CADM1: variants seen among roughly 807,000 people sequenced by gnomAD.
CADM1 encodes the protein TSLC-1.
In CADM1, 15 loss-of-function variants were observed where a neutral mutation model predicts 53.1. The observed-to-expected ratio is 0.28, with a 90% CI of 0.19 to 0.44. The LOEUF (loss-of-function observed/expected upper bound fraction) is 0.44, where lower values mean the gene tolerates loss of function less well. Among genes scored for constraint, CADM1 ranks in the 20% least tolerant of loss-of-function variants. The pLI, the probability that CADM1 is intolerant of heterozygous loss-of-function variation, is 1.00. For missense variants in CADM1, 434 were observed against 611.3 expected, an observed-to-expected ratio of 0.71 and a Z score of 3.06; for synonymous variants, 281 against 243.0, an observed-to-expected ratio of 1.16 and a Z score of -1.45.
At chr11:115,333,310 C>A (rs931100190) in intron 1 of CADM1, among the ~76,000 whole-genome samples, 5 of 152,174 alleles carry the variant, frequency 3.3e-5, no homozygotes, top group African/African-American at 1.2e-4. Flanking sequence ...GGATGAAGCA[C>A]AAAACCACTT....
At chr11:115,338,148 C>T (rs1226182917) in intron 1 of CADM1, among the ~76,000 whole-genome samples, 1 of 152,082 alleles carries the variant, frequency 6.6e-6, no homozygotes, top group African/African-American at 2.4e-5. Context: ...ATCATTACCA[C>T]CATCATAACA....
At chr11:115,315,345 T>C (rs1256731622) in intron 1 of CADM1, among the ~76,000 whole-genome samples, 1 of 152,210 alleles carries the variant, frequency 6.6e-6, no homozygotes, top group East Asian at 1.9e-4. Flanking sequence ...CGACACATTT[T>C]CATTGTGGAG....
chr11:115,242,288 G>C (rs949828955), intron 1 of CADM1, among the ~76,000 whole-genome samples: 4 of 146,758 alleles, frequency 2.7e-5, no homozygotes, highest in African/African-American at 7.5e-5. Context: ...TGGAGGCTTA[G>C]TATGCCGAAC....
intron 1 of CADM1, among the ~76,000 whole-genome samples, chr11:115,469,484 C>G (rs528904741): frequency 1.3e-5 from 2 of 152,162 alleles, no homozygotes; most frequent in Non-Finnish European, 1.5e-5. Context: ...GGTGGTCAGT[C>G]TCTTGTTCCA....
intron 1 of CADM1, among the ~76,000 whole-genome samples, chr11:115,469,925 G>A (rs563128835): frequency 1.3e-5 from 2 of 152,000 alleles, no homozygotes; most frequent in African/African-American, 2.4e-5. Context: ...CACCCGCCTC[G>A]GCCTCCCAAA....
intron 1 of CADM1, among the ~76,000 whole-genome samples, chr11:115,275,583 G>A (rs1943422577): frequency 6.6e-6 from 1 of 152,038 alleles, no homozygotes; most frequent in South Asian, 2.1e-4. Flanking sequence ...TATAATTGTT[G>A]GCTCTTTAAT....
At chr11:115,461,304 T>A (rs557823967) in intron 1 of CADM1, among the ~76,000 whole-genome samples, 13 of 152,234 alleles carry the variant, frequency 8.5e-5, no homozygotes, top group Non-Finnish European at 1.9e-4. Context: ...GTCATCTTCA[T>A]ATAGGAAGGT....
At position 115,175,063 on chromosome 11, in the gene CADM1, G is replaced by A. The variant is rs1323916079; in HGVS notation, c.*1411C>T. The A allele has an allele frequency of 1.0e-6, 1 of 985,720 alleles. No individual in the cohort carries two copies. The highest frequency in any genetic ancestry group is 6.1e-5 in the Admixed American group (1 of 16,262). 61.1% of individuals were successfully genotyped at this position (985,720 alleles called of 1,614,324 possible). ...TTTGGCAGATGGTTCTTAAGGCTGA[G>A]GAAAGAGGCCAAGGCTAGTGTATGA... On this transcript the variant is annotated 3_prime_UTR_variant, in exon 12 of 12. Coordinates refer to ENST00000331581, the MANE Select transcript of CADM1 (RefSeq NM_001301043.2).
Position 115,504,396 on chromosome 11 carries a change from T to A in CADM1, c.-2A>T, listed in dbSNP as rs1488480260. ...GCTCGGCAGCACTACACTCGCCATG[T>A]CGGGCACCTGCCTCAGACTGGCGGC... On this transcript the variant is annotated 5_prime_UTR_variant, in exon 1 of 12. Coordinates refer to ENST00000331581, the MANE Select transcript of CADM1 (RefSeq NM_001301043.2). 4 of 1,545,502 alleles carry A rather than the reference T, an allele frequency of 2.6e-6. No homozygotes were observed. In the Admixed American group the frequency reaches 5.9e-5, roughly 23 times the overall value.
chr11:115,209,180 TC>T (rs1429943258), intron 8 of CADM1, among the ~76,000 whole-genome samples: 1 of 152,292 alleles, frequency 6.6e-6, no homozygotes, highest in South Asian at 2.1e-4. Context: ...GTGTATATTT[TC>T]CCTTACATGG....
rs149435345 is a variant in CADM1 at position 115,456,976 on chromosome 11, A to G, written c.124+47295T>C. 3.4e-3 allele frequency among the ~76,000 whole-genome samples: 514 copies of G among 152,252 alleles called. 3 individuals are homozygous for G. The highest frequency in any genetic ancestry group is 5.4e-3 in the Non-Finnish European group (367 of 67,998). ...AGACTATCAGCTCAGTAAGGACAGG[A>G]ACCTCTGTCTTATCCACCTGTTAAT... On this transcript the variant is annotated intron_variant, in intron 1 of 11. Coordinates refer to ENST00000331581, the MANE Select transcript of CADM1 (RefSeq NM_001301043.2).
chr11:115,392,304 AG>A (rs1359796333), intron 1 of CADM1, among the ~76,000 whole-genome samples: 1 of 152,102 alleles, frequency 6.6e-6, no homozygotes, highest in Non-Finnish European at 1.5e-5. Flanking sequence ...ATACTCAATA[AG>A]TGTCTGTTAA....
rs886414534 is a variant in CADM1, at chr11:115,238,512, T to C, written c.412A>G (p.Ile138Val). 2 of 1,613,712 alleles carry C rather than the reference T, an allele frequency of 1.2e-6. No homozygotes were observed. The highest frequency in any genetic ancestry group is 1.3e-5 in the African/African-American group (1 of 74,888). The stretch of plus-strand genomic sequence containing the variant: ...ATGCGTTTCTTACCCAGGACTGTGA[T>C]GGTGGTGTAACTTTCCTGTGGGGGA... ...TDPPQESYTTITVLVPPRNLM... is the reference protein window; with the variant it reads ...TDPPQESYTTVTVLVPPRNLM... Residue 138 changes from isoleucine to valine, a missense_variant, in exon 3 of 12, where the codon ATC (isoleucine) becomes GTC (valine). Around this residue, in one of 4 missense-constraint regions of CADM1, gnomAD observed 311 missense variants for 435.1 expected, o/e 0.71. Transcript: ENST00000331581.
At chr11:115,271,086 C>A (rs1275632754) in intron 1 of CADM1, among the ~76,000 whole-genome samples, 1 of 152,166 alleles carries the variant, frequency 6.6e-6, no homozygotes, top group Non-Finnish European at 1.5e-5. Context: ...GGCTTAGGGA[C>A]TGATGTGTTA....
chr11:115,425,083 A>T (rs755438478), intron 1 of CADM1, among the ~76,000 whole-genome samples: 7 of 152,240 alleles, frequency 4.6e-5, no homozygotes, highest in Non-Finnish European at 8.8e-5. Flanking sequence ...CAATTTGGCT[A>T]CAAGAAACAG....
chr11:115,275,279 A>C (rs1943413407), intron 1 of CADM1, among the ~76,000 whole-genome samples: 1 of 151,922 alleles, frequency 6.6e-6, no homozygotes, highest in Non-Finnish European at 1.5e-5. Context: ...TGCCCAATCA[A>C]TTCCAACTCA....
chr11:115,242,337 A>G (rs1477635075), intron 1 of CADM1, among the ~76,000 whole-genome samples: 3 of 136,866 alleles, frequency 2.2e-5, no homozygotes, highest in Non-Finnish European at 3.1e-5. Flanking sequence ...AGGTGATCAG[A>G]AAAAAAAAAA....
intron 1 of CADM1, among the ~76,000 whole-genome samples, chr11:115,273,019 GT>G (rs1244883905): frequency 6.6e-6 from 1 of 152,176 alleles, no homozygotes; most frequent in Non-Finnish European, 1.5e-5. Flanking sequence ...GTCAGGGCAG[GT>G]AGGGTCAATA....
chr11:115,339,099 A>T (rs200854245), intron 1 of CADM1, among the ~76,000 whole-genome samples: 1 of 129,456 alleles, frequency 7.7e-6, no homozygotes, highest in African/African-American at 3.0e-5. Context: ...CCTGTGTCCA[A>T]GTGATCTCAT....
Sources: gnomAD v4.1 joint callset for allele counts (sites outside exome capture counted in the v4.1 genomes callset) on GRCh38, gnomAD v4.1.1 for gene constraint, gnomAD v4.1.1 regional missense constraint, MANE v1.5 for transcripts, NCBI Gene and HGNC (gene_info 2026-07-23, HGNC 2026-07-21) for gene names.